The following PTPRD variants were observed in gnomAD, a reference collection of about 807,000 sequenced individuals.
PTPRD encodes the protein receptor-type tyrosine-protein phosphatase delta.
PTPRD carries 34 observed loss-of-function variants against 214.5 expected under a neutral mutation model. The ratio of observed to expected loss-of-function variants is 0.16; its 90% CI spans 0.12 to 0.21. The LOEUF (loss-of-function observed/expected upper bound fraction) is 0.21. PTPRD is among the 10% of genes least tolerant of loss of function. The pLI, the probability that PTPRD is intolerant of heterozygous loss-of-function variation, is 1.00. For synonymous variants in PTPRD, 1,128 were observed against 845.7 expected, an observed-to-expected ratio of 1.33 and a Z score of -5.79; for missense variants, 2,545 against 2,398.7, an observed-to-expected ratio of 1.06 and a Z score of -1.27.
intron 12 of PTPRD, among the ~76,000 whole-genome samples, chr9:8,650,088 T>A (rs1336442089): frequency 3.9e-5 from 6 of 152,098 alleles, no homozygotes; most frequent in Non-Finnish European, 7.4e-5. Context: ...ATGCTATTTT[T>A]AAAATGTTTT....
chr9:10,201,134 A>G (rs138050678), intron 3 of PTPRD, among the ~76,000 whole-genome samples: 151 of 152,178 alleles, frequency 9.9e-4, no homozygotes, highest in African/African-American at 3.6e-3. Context: ...TTGCTTGGAA[A>G]AGACAGTGCA....
chr9:8,665,808 T>C (rs1316154186), intron 12 of PTPRD, among the ~76,000 whole-genome samples: 1 of 152,222 alleles, frequency 6.6e-6, no homozygotes, highest in East Asian at 1.9e-4. Context: ...AAAAATTCAA[T>C]ATCCAAAGAA....
At chr9:9,702,943 T>A (rs575844780) in intron 7 of PTPRD, among the ~76,000 whole-genome samples, 2 of 152,174 alleles carry the variant, frequency 1.3e-5, no homozygotes, top group Admixed American at 6.5e-5. Context: ...TGAGTCTAGA[T>A]CCAGAAAGCC....
At chr9:9,478,080 T>C (rs933141999) in intron 8 of PTPRD, among the ~76,000 whole-genome samples, 1 of 152,204 alleles carries the variant, frequency 6.6e-6, no homozygotes, top group African/African-American at 2.4e-5. Context: ...TTATTTGTTT[T>C]GATTGTCTCA....
At chr9:9,840,132 G>A (rs1347938409) in intron 5 of PTPRD, among the ~76,000 whole-genome samples, 1 of 151,808 alleles carries the variant, frequency 6.6e-6, no homozygotes, top group African/African-American at 2.4e-5. Flanking sequence ...CCACCTCCCG[G>A]GTTCAAGTGA....
chr9:8,537,492 T>C (rs2077242892), intron 14 of PTPRD, among the ~76,000 whole-genome samples: 1 of 152,044 alleles, frequency 6.6e-6, no homozygotes, highest in Non-Finnish European at 1.5e-5. Flanking sequence ...AGTATGCTTG[T>C]CTTAATATGG....
At chr9:9,916,870 T>TATCC (rs367643431) in intron 5 of PTPRD, among the ~76,000 whole-genome samples, 1 of 152,016 alleles carries the variant, frequency 6.6e-6, no homozygotes, top group African/African-American at 2.4e-5. Context: ...TCATATCAAG[T>TATCC]ATCCCATTGA....
intron 5 of PTPRD, among the ~76,000 whole-genome samples, chr9:9,874,242 G>A (rs1467599844): frequency 3.3e-5 from 5 of 152,140 alleles, no homozygotes; most frequent in African/African-American, 1.2e-4. Flanking sequence ...AGAGGGCTAT[G>A]TATACAGGGG....
At chr9:10,474,444 C>T (rs2099050125) in intron 2 of PTPRD, among the ~76,000 whole-genome samples, 1 of 152,042 alleles carries the variant, frequency 6.6e-6, no homozygotes, top group Admixed American at 6.6e-5. Context: ...AGCTAGCTAT[C>T]CTAAATATGT....
intron 5 of PTPRD, among the ~76,000 whole-genome samples, chr9:9,873,437 A>G (rs1234942677): frequency 1.3e-5 from 2 of 152,106 alleles, no homozygotes; most frequent in Non-Finnish European, 2.9e-5. Flanking sequence ...AGAAACTCAT[A>G]AGCTCTAACT....
chr9:9,302,110 G>T (rs1955534613), intron 9 of PTPRD, among the ~76,000 whole-genome samples: 1 of 151,904 alleles, frequency 6.6e-6, no homozygotes, highest in Non-Finnish European at 1.5e-5. Context: ...TTATCTATAT[G>T]GTTACTAAGA....
chr9:9,000,671 T>C (rs931516625), intron 11 of PTPRD, among the ~76,000 whole-genome samples: 1 of 151,964 alleles, frequency 6.6e-6, no homozygotes, highest in African/African-American at 2.4e-5. Context: ...ATTGATGAAT[T>C]CTACCTTAGA....
chr9:9,502,484 G>A (rs1031771714), intron 8 of PTPRD, among the ~76,000 whole-genome samples: 4 of 151,866 alleles, frequency 2.6e-5, no homozygotes, highest in Non-Finnish European at 4.4e-5. Context: ...ATACGTATAT[G>A]TATTTCTGTT....
intron 3 of PTPRD, among the ~76,000 whole-genome samples, chr9:10,062,900 A>C (rs948282702): frequency 6.6e-6 from 1 of 152,046 alleles, no homozygotes; most frequent in African/African-American, 2.4e-5. Flanking sequence ...CTGTTAATGA[A>C]TTAGTTGAGA....
At chr9:9,256,843 C>T (rs1279843920) in intron 9 of PTPRD, among the ~76,000 whole-genome samples, 1 of 152,006 alleles carries the variant, frequency 6.6e-6, no homozygotes, top group East Asian at 1.9e-4. Flanking sequence ...TAAGAAAAAT[C>T]TCTAAGTCTT....
chr9:8,707,787 C>T (rs558173044), intron 12 of PTPRD, among the ~76,000 whole-genome samples: 1 of 152,258 alleles, frequency 6.6e-6, no homozygotes, highest in Admixed American at 6.5e-5. Context: ...TTTTCAATAA[C>T]CTTTTCCTCA....
chr9:10,183,108 C>A (rs984509959), intron 3 of PTPRD, among the ~76,000 whole-genome samples: 1 of 152,162 alleles, frequency 6.6e-6, no homozygotes, highest in Non-Finnish European at 1.5e-5. Context: ...ATTTTAACTA[C>A]GACAACTTCT....
At chr9:10,389,498 CT>C (rs1200792871) in intron 2 of PTPRD, among the ~76,000 whole-genome samples, 1 of 151,862 alleles carries the variant, frequency 6.6e-6, no homozygotes, top group Non-Finnish European at 1.5e-5. Context: ...TAACTGTTCC[CT>C]TTGTTTCACA....
At chr9:9,791,004 A>C (rs1427457135) in intron 5 of PTPRD, among the ~76,000 whole-genome samples, 1 of 152,196 alleles carries the variant, frequency 6.6e-6, no homozygotes, top group East Asian at 1.9e-4. Flanking sequence ...ATGAACCAGA[A>C]AACGTAATAG....
Sources: allele counts gnomAD v4.1 joint callset (sites outside exome capture counted in the v4.1 genomes callset), GRCh38; gene constraint gnomAD v4.1.1; transcripts MANE v1.5; gene names NCBI Gene and HGNC (gene_info 2026-07-23, HGNC 2026-07-21).